Variants in IGSF10 observed in about 807,000 individuals in gnomAD.
IGSF10 encodes the protein calvaria mechanical force protein 608.
Under a neutral mutation model 128.2 loss-of-function variants are expected in IGSF10, and 126 were observed. That is an observed-to-expected ratio of 0.98 (90% CI 0.85 to 1.14). The LOEUF (loss-of-function observed/expected upper bound fraction) is 1.14. Ranked by LOEUF, IGSF10 falls within the 50% of genes most tolerant of loss-of-function variation. IGSF10 has a pLI of 0.00. For synonymous variants in IGSF10, 1,185 were observed against 1,146.2 expected (o/e 1.03, Z -0.68); for missense variants, 3,295 against 3,149.8 (o/e 1.05, Z -1.10).
chr3:151,537,075 A>T, the IGSF10 span, among the ~76,000 whole-genome samples: 2 of 152,174 alleles, frequency 1.3e-5, no homozygotes, highest in Non-Finnish European at 2.9e-5. Context: ...GATGATTTGC[A>T]AGGATTTAAT....
the IGSF10 span, among the ~76,000 whole-genome samples, chr3:151,562,361 C>A: frequency 6.6e-6 from 1 of 152,218 alleles, no homozygotes; most frequent in Non-Finnish European, 1.5e-5. Flanking sequence ...AATGGGAAAC[C>A]AGCAGCCCTC....
intron 3 of IGSF10, 136 bp from the exon 4 acceptor site, chr3:151,457,291 A>G: frequency 3.6e-6 from 3 of 837,648 alleles, no homozygotes; most frequent in Non-Finnish European, 5.4e-6. Context: ...AAATGCTTCA[A>G]AAACTGAAAT....
At chr3:151,494,066 G>A in the IGSF10 span, among the ~76,000 whole-genome samples, 72,874 of 151,748 alleles carry the variant, frequency 0.48, 17,874 homozygotes, top group South Asian at 0.57. Context: ...AATACATTCC[G>A]GAAGAGAAAA....
the IGSF10 span, among the ~76,000 whole-genome samples, chr3:151,512,632 TAG>T: frequency 6.6e-6 from 1 of 151,420 alleles, no homozygotes; most frequent in Non-Finnish European, 1.5e-5. Context: ...CTGAAGGAAA[TAG>T]AGACACAAAA....
At chr3:151,466,982 C>T in the IGSF10 span, among the ~76,000 whole-genome samples, 2 of 152,046 alleles carry the variant, frequency 1.3e-5, no homozygotes, top group Non-Finnish European at 2.9e-5. Context: ...ATTTGTGAGG[C>T]ATATTGGAAA....
At chr3:151,614,293 C>A in the IGSF10 span, among the ~76,000 whole-genome samples, 1 of 152,152 alleles carries the variant, frequency 6.6e-6, no homozygotes, top group Non-Finnish European at 1.5e-5. Flanking sequence ...ACTAGAAATA[C>A]CATTTGACCC....
chr3:151,487,852 G>A, the IGSF10 span, among the ~76,000 whole-genome samples: 3 of 152,142 alleles, frequency 2.0e-5, no homozygotes, highest in Non-Finnish European at 4.4e-5. Flanking sequence ...AGCTATTTAT[G>A]ACAAGCCAAC....
rs368523900 is a variant in IGSF10, at chr3:151,456,936, G to A, written c.324+90C>T. On this transcript the variant is annotated intron_variant, in intron 4 of 7. Coordinates refer to ENST00000282466, the MANE Select transcript of IGSF10 (RefSeq NM_178822.5). ...TCTAATTTACAGAATGTTGATTTTC[G>A]TATTGTGTAGAGATAGGCAGCCTTT... is the stretch of plus-strand genomic sequence containing the variant. 1.4e-4 allele frequency: 174 copies of A among 1,255,652 alleles called. 1 individual carries two copies. Among genetic ancestry groups the A allele is most frequent in the East Asian group, 9.2e-4 (39 of 42,334 alleles). The allele number at this position is 1,255,652 out of a possible 1,614,324, so 77.8% of individuals were successfully genotyped here.
the IGSF10 span, among the ~76,000 whole-genome samples, chr3:151,498,828 G>T: frequency 1.3e-5 from 2 of 152,062 alleles, no homozygotes; most frequent in African/African-American, 4.8e-5. Context: ...TGTATTTTCA[G>T]AACATCTACT....
the IGSF10 span, among the ~76,000 whole-genome samples, chr3:151,584,008 T>A: frequency 1.3e-5 from 2 of 152,182 alleles, no homozygotes; most frequent in Non-Finnish European, 2.9e-5. Flanking sequence ...CCTTACTAAT[T>A]TTCTGGATGC....
chr3:151,557,883 G>A, the IGSF10 span, among the ~76,000 whole-genome samples: 1 of 148,452 alleles, frequency 6.7e-6, no homozygotes, highest in Non-Finnish European at 1.5e-5. Context: ...CTACATTTTA[G>A]AGACATCTTC....
the IGSF10 span, among the ~76,000 whole-genome samples, chr3:151,612,290 A>C: frequency 6.6e-6 from 1 of 152,152 alleles, no homozygotes; most frequent in African/African-American, 2.4e-5. Context: ...AGCCCCTTGG[A>C]TGTGGTTCAC....
the IGSF10 span, among the ~76,000 whole-genome samples, chr3:151,543,885 C>G: frequency 2.0e-5 from 3 of 152,240 alleles, no homozygotes; most frequent in East Asian, 5.8e-4. Flanking sequence ...ACTCCCTACC[C>G]CTAAGTGCTC....
rs1721202492 is a variant in IGSF10, at chr3:151,446,567, T to G, written c.3414A>C (p.Pro1138=). Residue 1138 remains proline (P), a synonymous_variant, in exon 6 of 8, where the codon CCA becomes CCC. Transcript: ENST00000282466. ...YFRTEISQVT[P]TGAVMTYAPT... The stretch of plus-strand genomic sequence containing the variant: ...GAGCATATGTCATGACTGCACCAGT[T>G]GGAGTCACTTGGGAAATTTCAGTCC... 1 of 1,613,988 alleles carries G rather than the reference T, an allele frequency of 6.2e-7. No individual in the cohort carries two copies.
intron 5 of IGSF10, among the ~76,000 whole-genome samples, chr3:151,452,776 T>C (rs1294826091): frequency 5.3e-5 from 8 of 151,966 alleles, no homozygotes; most frequent in African/African-American, 1.5e-4. Flanking sequence ...AATGGAAGTA[T>C]AGGCAAACAA....
the IGSF10 span, among the ~76,000 whole-genome samples, chr3:151,501,283 C>G: frequency 6.6e-6 from 1 of 152,164 alleles, no homozygotes. Context: ...GATTTGAATT[C>G]TAGCCCATTC....
At chr3:151,582,292 CGG>C in the IGSF10 span, among the ~76,000 whole-genome samples, 88 of 39,396 alleles carry the variant, frequency 2.2e-3, 9 homozygotes, top group African/African-American at 7.9e-3. Flanking sequence ...TAAAAATATC[CGG>C]GGGGGGGGGC....
the IGSF10 span, among the ~76,000 whole-genome samples, chr3:151,489,582 C>T: frequency 1.3e-5 from 2 of 151,988 alleles, no homozygotes; most frequent in Admixed American, 6.6e-5. Context: ...AAAATGCCAT[C>T]AATGATAGAC....
chr3:151,599,490 G>T, the IGSF10 span, among the ~76,000 whole-genome samples: 1 of 152,150 alleles, frequency 6.6e-6, no homozygotes, highest in African/African-American at 2.4e-5. Flanking sequence ...GCAAGAAGGT[G>T]GGGAGGATAC....
Sources: gnomAD v4.1 joint callset for allele counts (sites outside exome capture counted in the v4.1 genomes callset) on GRCh38, gnomAD v4.1.1 for gene constraint, MANE v1.5 for transcripts, NCBI Gene and HGNC (gene_info 2026-07-23, HGNC 2026-07-21) for gene names.